USP5: variants seen among roughly 807,000 people sequenced by gnomAD.
The protein encoded by USP5 is ubiquitin specific peptidase 5.
Under a neutral mutation model 102.5 loss-of-function variants are expected in USP5, and 24 were observed. That is an observed-to-expected ratio of 0.23 (90% CI 0.17 to 0.33). USP5 has a LOEUF of 0.33. USP5 is among the 10% of genes least tolerant of loss of function. The pLI, the probability that USP5 is intolerant of heterozygous loss-of-function variation, is 1.00. For missense variants in USP5, 753 were observed against 1,122.1 expected (o/e 0.67, Z 4.70); for synonymous variants, 460 against 434.8 (o/e 1.06, Z -0.72).
chr12:6,862,270 G>A (rs1944300711), intron 13 of USP5, among the ~76,000 whole-genome samples, 200 bp from the exon 14 acceptor site: 1 of 151,398 alleles, frequency 6.6e-6, no homozygotes, highest in Non-Finnish European at 1.5e-5. Flanking sequence ...TTTTTTTGTT[G>A]ACAGCCTTCC....
In USP5 at chr12:6,855,422, A is replaced by G; in HGVS notation, c.133A>G (p.Ile45Val). The G allele has an allele frequency of 1.2e-6, 2 of 1,614,126 alleles. No individual in the cohort carries two copies. Among genetic ancestry groups the G allele is most frequent in the Non-Finnish European group, 1.7e-6 (2 of 1,180,022 alleles). The change falls in exon 2 of 20, where the codon ATC becomes GTC. Residue 45 changes from isoleucine (I) to valine (V), a missense_variant. By Grantham distance (29) the Ile-to-Val change is conservative. Coordinates refer to ENST00000229268, the MANE Select transcript of USP5 (RefSeq NM_001098536.2). The surrounding 1 kb of genome is among the most constrained non-coding windows in gnomAD (Gnocchi z 4.6). ...ACAGGAGTCTGAGGGGGGCCTCTACATCTGTATGAACACGTTTCTGGGCTT... is the reference window on the plus strand; with the variant it reads ...ACAGGAGTCTGAGGGGGGCCTCTACGTCTGTATGAACACGTTTCTGGGCTT... ...DTPESEGGLY[I>V]CMNTFLGFGK...
At position 6,858,367 on chromosome 12, in the gene USP5, G is replaced by A; in HGVS notation, c.865-57G>A. ...CATCCTAGACTCAGTGAGAGATCGAGGTAAAAACTACAGGGTTGAGTTTCT... is the reference window on the plus strand; with the variant it reads ...CATCCTAGACTCAGTGAGAGATCGAAGTAAAAACTACAGGGTTGAGTTTCT... On this transcript the variant is annotated intron_variant, in intron 7 of 19. Coordinates refer to ENST00000229268, the MANE Select transcript of USP5 (RefSeq NM_001098536.2). The surrounding 1 kb of genome is among the most constrained non-coding windows in gnomAD (Gnocchi z 4.2). The A allele has an allele frequency of 6.4e-7, 1 of 1,557,316 alleles. No homozygotes were observed. Among genetic ancestry groups the A allele is most frequent in the Non-Finnish European group, 8.8e-7 (1 of 1,135,794 alleles).
intron 19 of USP5, 108 bp from the exon 20 acceptor site, chr12:6,865,875 TG>T: frequency 1.1e-6 from 1 of 930,702 alleles, no homozygotes; most frequent in Middle Eastern, 2.1e-4. Flanking sequence ...ATTTGGGGTA[TG>T]GGCAGAGAGT....
chr12:6,864,638 G>A lies in USP5; in HGVS notation c.2245-84G>A, dbSNP rs548367738. On this transcript the variant is annotated intron_variant, in intron 17 of 19. Transcript: ENST00000229268. The surrounding 1 kb of genome is among the most constrained non-coding windows in gnomAD (Gnocchi z 4.8). Reference sequence around the variant, plus strand: ...CGGGAGGCGGAGCTTGCAGTGAGCCGAGATCGCGCCACTGCACTCCAGCCT... The same window carrying A: ...CGGGAGGCGGAGCTTGCAGTGAGCCAAGATCGCGCCACTGCACTCCAGCCT... The A allele has an allele frequency of 6.1e-3, 9,010 of 1,473,642 alleles. 44 individuals are homozygous for A. Among genetic ancestry groups the A allele is most frequent in the Non-Finnish European group, 6.9e-3 (7,539 of 1,090,814 alleles). The allele number at this position is 1,473,642 out of a possible 1,614,324, so 91.3% of individuals were successfully genotyped here.
Position 6,858,846 on chromosome 12 carries a change from C to A in USP5, c.1058+229C>A. 4.6e-6 allele frequency: 2 copies of A among 431,030 alleles called. No homozygotes were observed. The highest frequency in any genetic ancestry group is 5.2e-5 in the South Asian group (1 of 19,088). The allele number at this position is 431,030 out of a possible 1,614,324, so 26.7% of individuals were successfully genotyped here. A position where few individuals can be genotyped will look rare whatever the true frequency, so the allele number is the denominator to read the frequency against. ...CCAGCCTGGGCAACATAGCGAGACC[C>A]TGTCTTCTCTTAAAAAAAAAAAAGA... On this transcript the variant is annotated intron_variant, in intron 8 of 19. Transcript: ENST00000229268. The surrounding 1 kb of genome is among the most constrained non-coding windows in gnomAD (Gnocchi z 4.2).
chr12:6,854,081 T>C (rs782132495), intron 1 of USP5, among the ~76,000 whole-genome samples: 2 of 152,344 alleles, frequency 1.3e-5, no homozygotes, highest in Non-Finnish European at 2.9e-5. Flanking sequence ...ACTGGAAAAC[T>C]TGGTCAGCTT....
rs1339538686 is a variant in USP5, at chr12:6,865,241, G to C, written c.2476G>C (p.Glu826Gln). 1 of 1,613,570 alleles carries C rather than the reference G, an allele frequency of 6.2e-7. No individual in the cohort carries two copies. ...CGHYVCHIKK[E>Q]GRWVIYNDQK... ...TCACTACGTCTGCCACATCAAGAAA[G>C]AAGGCAGGTGAGTGCTGGCCACATG... The change falls in exon 19 of 20, where the codon GAA (glutamate) becomes CAA (glutamine). Residue 826 changes from glutamate to glutamine, a missense_variant. By Grantham distance (29) the Glu-to-Gln change is conservative. Coordinates refer to ENST00000229268, the MANE Select transcript of USP5 (RefSeq NM_001098536.2).
Position 6,858,482 on chromosome 12 carries a change from A to G in USP5, c.923A>G (p.Glu308Gly). ...IDMNQRIGEW[E>G]LIQESGVPLK... ...ATGAACCAGCGGATTGGTGAATGGG[A>G]GCTGATCCAGGAGTCAGGTGTGCCA... is the stretch of plus-strand genomic sequence containing the variant. The change falls in exon 8 of 20, where the codon GAG (glutamate) becomes GGG (glycine). Residue 308 changes from glutamate (E) to glycine (G), a missense_variant. This residue lies in a region of USP5 where 527 missense variants were observed against 816.5 expected (regional missense o/e 0.65). Transcript: ENST00000229268. The surrounding 1 kb of genome is among the most constrained non-coding windows in gnomAD (Gnocchi z 4.2). 1.2e-6 allele frequency: 2 copies of G among 1,613,304 alleles called. No homozygotes were observed. Among genetic ancestry groups the G allele is most frequent in the Non-Finnish European group, 1.7e-6 (2 of 1,179,258 alleles).
intron 1 of USP5, among the ~76,000 whole-genome samples, chr12:6,852,687 C>A (rs1267326079): frequency 6.6e-6 from 1 of 152,114 alleles, no homozygotes; most frequent in Non-Finnish European, 1.5e-5. Flanking sequence ...GTGATGGGGA[C>A]GACTCCCCAC....
chr12:6,866,158 C>CAT lies in USP5; in HGVS notation c.*81_*82insAT. On this transcript the variant is annotated 3_prime_UTR_variant, in exon 20 of 20. Transcript: ENST00000229268. The surrounding 1 kb of genome is among the most constrained non-coding windows in gnomAD (Gnocchi z 4.7). ...AGAGGGGCTGAGGGATGGACTTCAGCCCCTCTGCTCTGTACCCTTTTTCCT... is the reference window on the plus strand; with the variant it reads ...AGAGGGGCTGAGGGATGGACTTCAGCATCCCTCTGCTCTGTACCCTTTTTCCT... 3 of 1,286,654 alleles carry CAT rather than the reference C, an allele frequency of 2.3e-6. No homozygotes were observed. The highest frequency in any genetic ancestry group is 3.4e-6 in the Non-Finnish European group (3 of 894,078). 79.7% of individuals were successfully genotyped at this position (1,286,654 alleles called of 1,614,324 possible).
chr12:6,857,909 C>G (rs1289227806), intron 7 of USP5, among the ~76,000 whole-genome samples, 186 bp downstream of exon 7: 1 of 152,182 alleles, frequency 6.6e-6, no homozygotes, highest in African/African-American at 2.4e-5. Flanking sequence ...CTACTATGTG[C>G]TAGAGGCTGT....
intron 1 of USP5, 94 bp downstream of exon 1, chr12:6,852,384 C>T (rs1943939466): frequency 2.4e-6 from 3 of 1,232,438 alleles, no homozygotes; most frequent in African/African-American, 1.5e-5. Flanking sequence ...TACCGCCTCC[C>T]TGCGATGCAC....
chr12:6,865,878 G>A, intron 19 of USP5, 106 bp from the exon 20 acceptor site: 2 of 966,352 alleles, frequency 2.1e-6, no homozygotes, highest in Non-Finnish European at 3.3e-6. Context: ...TGGGGTATGG[G>A]CAGAGAGTGT....
rs1353117624 is a variant in USP5 at position 6,864,860 on chromosome 12, C to T, written c.2383C>T (p.Arg795Trp). 5 of 1,613,474 alleles carry T rather than the reference C, an allele frequency of 3.1e-6. No homozygotes were observed. Among genetic ancestry groups the T allele is most frequent in the African/African-American group, 2.7e-5 (2 of 74,912 alleles). ...GTCTGTGCCAGTGGGACCTAAAGTC[C>T]GGGATGGTCCTGGAAGTGAGTATCC... ...SESVPVGPKV[R>W]DGPGKYQLFA... The change falls in exon 18 of 20, where the codon CGG becomes TGG. Residue 795 changes from arginine (R) to tryptophan (W), a missense_variant. Coordinates refer to ENST00000229268, the MANE Select transcript of USP5 (RefSeq NM_001098536.2). This position sits in a 1 kb window ranked among gnomAD's most constrained non-coding sequence, Gnocchi z 4.8.
At position 6,866,166 on chromosome 12, in the gene USP5, C is replaced by A. The variant is rs1944439641; in HGVS notation, c.*89C>A. The A allele has an allele frequency of 8.3e-7, 1 of 1,209,944 alleles. No individual in the cohort carries two copies. Among genetic ancestry groups the A allele is most frequent in the Non-Finnish European group, 1.2e-6 (1 of 835,274 alleles). 75.0% of individuals were successfully genotyped at this position (1,209,944 alleles called of 1,614,324 possible). On this transcript the variant is annotated 3_prime_UTR_variant, in exon 20 of 20. Transcript: ENST00000229268. This position sits in a 1 kb window ranked among gnomAD's most constrained non-coding sequence, Gnocchi z 4.7. The stretch of plus-strand genomic sequence containing the variant: ...TGAGGGATGGACTTCAGCCCCTCTG[C>A]TCTGTACCCTTTTTCCTTTTGTCCC...
At chr12:6,859,606 T>A in intron 9 of USP5, 65 bp downstream of exon 9, 3 of 1,497,642 alleles carry the variant, frequency 2.0e-6, no homozygotes, top group South Asian at 1.1e-5. Context: ...TCCTCCTCCC[T>A]GACCGCCTGG....
In USP5 at chr12:6,860,348, T is replaced by G; in HGVS notation, c.1219-18T>G. The G allele has an allele frequency of 6.2e-7, 1 of 1,614,178 alleles. No homozygotes were observed. Among genetic ancestry groups the G allele is most frequent in the Non-Finnish European group, 8.5e-7 (1 of 1,180,014 alleles). ...GGCCACTGAGCCCCAGCTGAGTCCC[T>G]GCCCTGACTCTTCCCAGGAAGTTCA... On this transcript the variant is annotated intron_variant, in intron 10 of 19. Transcript: ENST00000229268. The surrounding 1 kb of genome is among the most constrained non-coding windows in gnomAD (Gnocchi z 5.5).
rs782336827 is a variant in USP5, at chr12:6,855,535, A to G, written c.237+9A>G. On this transcript the variant is annotated intron_variant, in intron 2 of 19. Coordinates refer to ENST00000229268, the MANE Select transcript of USP5 (RefSeq NM_001098536.2). This position sits in a 1 kb window ranked among gnomAD's most constrained non-coding sequence, Gnocchi z 4.6. The stretch of plus-strand genomic sequence containing the variant: ...GGCGGACCCGGCGCCCGGTAGGAGC[A>G]GGGCTGGGGCAAGGCCTGGGTACAT... 18 of 1,613,974 alleles carry G rather than the reference A, an allele frequency of 1.1e-5. No individual in the cohort carries two copies. The highest frequency in any genetic ancestry group is 1.4e-5 in the Non-Finnish European group (17 of 1,180,010).
chr12:6,864,133 G>A lies in USP5; in HGVS notation c.2182G>A (p.Val728Met). The A allele has an allele frequency of 6.2e-6, 10 of 1,614,060 alleles. No homozygotes were observed. Among genetic ancestry groups the A allele is most frequent in the Non-Finnish European group, 8.5e-6 (10 of 1,179,962 alleles). Reference sequence around the variant, plus strand: ...AGCCGACCCCCCTCCTGAGGACTGTGTGACCACCATTGTCTCCATGGGCTT... The same window carrying A: ...AGCCGACCCCCCTCCTGAGGACTGTATGACCACCATTGTCTCCATGGGCTT... ...AAADPPPEDC[V>M]TTIVSMGFSR... Residue 728 changes from valine (V) to methionine (M), a missense_variant, in exon 17 of 20, where the codon GTG becomes ATG. This residue lies in a region of USP5 where 193 missense variants were observed against 230.2 expected (regional missense o/e 0.84). Coordinates refer to ENST00000229268, the MANE Select transcript of USP5 (RefSeq NM_001098536.2). The surrounding 1 kb of genome is among the most constrained non-coding windows in gnomAD (Gnocchi z 4.8).
Sources: gnomAD v4.1 joint callset for allele counts (sites outside exome capture counted in the v4.1 genomes callset) on GRCh38, gnomAD v4.1.1 for gene constraint, gnomAD v4.1.1 regional missense constraint, Gnocchi (gnomAD v3.1) non-coding constraint, MANE v1.5 for transcripts, NCBI Gene and HGNC (gene_info 2026-07-23, HGNC 2026-07-21) for gene names.